The following SYNDIG1 variants were observed in gnomAD, a reference collection of about 807,000 sequenced individuals.
SYNDIG1 encodes synapse differentiation-inducing gene protein 1.
Under a neutral mutation model 19.4 loss-of-function variants are expected in SYNDIG1, and 9 were observed. The observed-to-expected ratio is 0.46, with a 90% CI of 0.28 to 0.81. The LOEUF (loss-of-function observed/expected upper bound fraction) is 0.81. Among genes scored for constraint, SYNDIG1 ranks in the 30% least tolerant of loss-of-function variants. The pLI, the probability that SYNDIG1 is intolerant of heterozygous loss-of-function variation, is 0.12. For missense variants in SYNDIG1, 311 were observed against 343.3 expected, an observed-to-expected ratio of 0.91 and a Z score of 0.74; for synonymous variants, 141 against 145.9, an observed-to-expected ratio of 0.97 and a Z score of 0.24.
At chr20:24,499,441 G>A (rs945388912) in intron 1 of SYNDIG1, among the ~76,000 whole-genome samples, 6 of 152,342 alleles carry the variant, frequency 3.9e-5, no homozygotes, top group African/African-American at 1.4e-4. Context: ...ATTTCTGGCA[G>A]TGTGGAAGGA....
chr20:24,567,513 G>C (rs1001023635), intron 2 of SYNDIG1, among the ~76,000 whole-genome samples: 7 of 152,180 alleles, frequency 4.6e-5, no homozygotes, highest in African/African-American at 1.7e-4. Context: ...CGTCACTCTG[G>C]GGCCCTCTTG....
intron 3 of SYNDIG1, among the ~76,000 whole-genome samples, chr20:24,609,640 C>T (rs184479190): frequency 3.9e-5 from 6 of 152,284 alleles, no homozygotes; most frequent in African/African-American, 1.4e-4. Context: ...AATAGCAAAA[C>T]AGACGGGCAG....
chr20:24,487,103 T>C (rs2055989954), intron 1 of SYNDIG1, among the ~76,000 whole-genome samples: 1 of 152,064 alleles, frequency 6.6e-6, no homozygotes, highest in African/African-American at 2.4e-5. Context: ...TAGTTGTCCC[T>C]GGCTGGGCCA....
intron 1 of SYNDIG1, among the ~76,000 whole-genome samples, chr20:24,497,832 C>A (rs980414488): frequency 2.0e-5 from 3 of 152,224 alleles, no homozygotes; most frequent in Non-Finnish European, 4.4e-5. Context: ...GAAGATCATG[C>A]ACTATTCTGG....
At chr20:24,616,798 C>T (rs1402229458) in intron 3 of SYNDIG1, among the ~76,000 whole-genome samples, 7 of 152,194 alleles carry the variant, frequency 4.6e-5, no homozygotes, top group South Asian at 2.1e-4. Context: ...CTGTGATGCC[C>T]GGCTGCTCCT....
chr20:24,530,873 A>G (rs901894054), intron 1 of SYNDIG1, among the ~76,000 whole-genome samples: 1 of 151,756 alleles, frequency 6.6e-6, no homozygotes, highest in African/African-American at 2.4e-5. Context: ...CAGTGGTGCA[A>G]TCTCTGCTCA....
chr20:24,644,126 G>A (rs73347213), intron 3 of SYNDIG1, among the ~76,000 whole-genome samples: 3,104 of 152,296 alleles, frequency 0.02, 134 homozygotes, highest in African/African-American at 0.071. Flanking sequence ...TCCAGGATAT[G>A]ACAGCTTCCA....
intron 2 of SYNDIG1, among the ~76,000 whole-genome samples, chr20:24,582,402 G>A (rs1244504868): frequency 9.1e-6 from 1 of 109,648 alleles, no homozygotes; most frequent in Non-Finnish European, 1.8e-5. Context: ...CCTTCTGCAT[G>A]TCCTCCCCGC....
At chr20:24,626,612 G>A (rs2059141472) in intron 3 of SYNDIG1, among the ~76,000 whole-genome samples, 1 of 151,666 alleles carries the variant, frequency 6.6e-6, no homozygotes, top group Admixed American at 6.5e-5. Flanking sequence ...AGGCAGAGGG[G>A]CTCCTCACAT....
chr20:24,486,327 A>G (rs1335717224), intron 1 of SYNDIG1, among the ~76,000 whole-genome samples: 3 of 152,226 alleles, frequency 2.0e-5, no homozygotes, highest in Non-Finnish European at 4.4e-5. Context: ...GGCTGATGCC[A>G]TTGCTGCTTA....
intron 3 of SYNDIG1, among the ~76,000 whole-genome samples, chr20:24,586,695 C>T (rs1287928724): frequency 6.6e-6 from 1 of 152,238 alleles, no homozygotes; most frequent in Non-Finnish European, 1.5e-5. Flanking sequence ...GATAGGGACA[C>T]ACCCACCATC....
chr20:24,563,094 C>T (rs149260685), intron 2 of SYNDIG1, among the ~76,000 whole-genome samples: 374 of 152,324 alleles, frequency 2.5e-3, no homozygotes, highest in Middle Eastern at 3.4e-3. Flanking sequence ...TCAAGTAGTA[C>T]TCACTGAAAC....
intron 3 of SYNDIG1, among the ~76,000 whole-genome samples, chr20:24,654,448 A>G (rs2059502788): frequency 6.6e-6 from 1 of 152,212 alleles, no homozygotes; most frequent in Non-Finnish European, 1.5e-5. Flanking sequence ...GAGAACAAAA[A>G]GAGTAAACAA....
chr20:24,557,280 C>A (rs936860557), intron 2 of SYNDIG1, among the ~76,000 whole-genome samples: 1 of 152,132 alleles, frequency 6.6e-6, no homozygotes, highest in African/African-American at 2.4e-5. Context: ...GTGGTTTGAT[C>A]ATCTGAAGCC....
intron 3 of SYNDIG1, among the ~76,000 whole-genome samples, chr20:24,664,977 G>A (rs1388991885): frequency 6.6e-6 from 1 of 152,158 alleles, no homozygotes; most frequent in Non-Finnish European, 1.5e-5. Context: ...CCATTCTTGG[G>A]TAGAAAGAGC....
intron 3 of SYNDIG1, among the ~76,000 whole-genome samples, chr20:24,630,849 C>G (rs1644251402): frequency 6.6e-6 from 1 of 152,236 alleles, no homozygotes; most frequent in African/African-American, 2.4e-5. Context: ...GACTCTGAAG[C>G]AGTTGGTGGT....
At chr20:24,635,367 A>G (rs1442192542) in intron 3 of SYNDIG1, among the ~76,000 whole-genome samples, 1 of 152,078 alleles carries the variant, frequency 6.6e-6, no homozygotes, top group Non-Finnish European at 1.5e-5. Flanking sequence ...TCATTCACAG[A>G]TTTTATAACT....
chr20:24,626,763 C>T (rs1161880201), intron 3 of SYNDIG1, among the ~76,000 whole-genome samples: 2 of 152,234 alleles, frequency 1.3e-5, no homozygotes, highest in Non-Finnish European at 2.9e-5. Context: ...GAGATCACGC[C>T]ACTGCACTCC....
intron 3 of SYNDIG1, among the ~76,000 whole-genome samples, chr20:24,621,792 A>G (rs571330524): frequency 1.3e-5 from 2 of 152,290 alleles, no homozygotes; most frequent in South Asian, 4.1e-4. Context: ...CACAAGACAT[A>G]TACTCTGACT....
Sources: allele counts gnomAD v4.1 joint callset (sites outside exome capture counted in the v4.1 genomes callset), GRCh38; gene constraint gnomAD v4.1.1; transcripts MANE v1.5; gene names NCBI Gene and HGNC (gene_info 2026-07-23, HGNC 2026-07-21).